The following ZNF18 variants were observed in gnomAD, a reference collection of about 807,000 sequenced individuals.
ZNF18 encodes heart development-specific gene 1 protein.
In ZNF18, 42 loss-of-function variants were observed where a neutral mutation model predicts 58.1. That is an observed-to-expected ratio of 0.72 (90% CI 0.56 to 0.93). ZNF18 has a LOEUF of 0.93. Among genes scored for constraint, ZNF18 ranks in the 40% least tolerant of loss-of-function variants. The probability of loss-of-function intolerance (pLI) is 0.00; values close to 1 mark genes in which losing one functional copy is unlikely to be tolerated. For synonymous variants in ZNF18, 231 were observed against 239.8 expected (o/e 0.96, Z 0.34); for missense variants, 540 against 644.2 (o/e 0.84, Z 1.75).
At chr17:12,007,860 C>A in the ZNF18 span, among the ~76,000 whole-genome samples, 1 of 152,050 alleles carries the variant, frequency 6.6e-6, no homozygotes, top group Non-Finnish European at 1.5e-5. Flanking sequence ...ATTGGTGACA[C>A]GTCTGTCACT....
At chr17:12,001,400 C>T (rs555227908), upstream of ZNF18, among the ~76,000 whole-genome samples, 21 of 152,160 alleles carry the variant, frequency 1.4e-4, no homozygotes, top group East Asian at 1.5e-3. Context: ...GAGGCTGAGG[C>T]GGGCGGATCA....
At chr17:11,985,462 TG>T (rs1352779800) in intron 4 of ZNF18, among the ~76,000 whole-genome samples, 1 of 152,218 alleles carries the variant, frequency 6.6e-6, no homozygotes, top group Non-Finnish European at 1.5e-5. Flanking sequence ...CTCAAAAAAG[TG>T]TTGTGAGGTT....
At chr17:12,012,192 T>C in the ZNF18 span, among the ~76,000 whole-genome samples, 1 of 152,188 alleles carries the variant, frequency 6.6e-6, no homozygotes, top group African/African-American at 2.4e-5. Flanking sequence ...AGTAACTAAA[T>C]ATTACATATA....
intron 6 of ZNF18, among the ~76,000 whole-genome samples, chr17:11,982,809 T>C (rs1967460647): frequency 6.6e-6 from 1 of 152,178 alleles, no homozygotes; most frequent in Non-Finnish European, 1.5e-5. Context: ...TCCCTAGTCT[T>C]AAATAAATTA....
At chr17:11,984,870 T>C (rs1215879664) in intron 4 of ZNF18, among the ~76,000 whole-genome samples, 1 of 152,112 alleles carries the variant, frequency 6.6e-6, no homozygotes, top group Non-Finnish European at 1.5e-5. Flanking sequence ...TAGACGTCTT[T>C]GAGGAGGAAG....
At chr17:12,013,960 A>C in the ZNF18 span, among the ~76,000 whole-genome samples, 2 of 152,240 alleles carry the variant, frequency 1.3e-5, no homozygotes. Flanking sequence ...AAAGTGACTG[A>C]CAGATGGTCA....
At chr17:12,014,029 A>G in the ZNF18 span, among the ~76,000 whole-genome samples, 3 of 152,234 alleles carry the variant, frequency 2.0e-5, no homozygotes, top group African/African-American at 7.2e-5. Flanking sequence ...TTTTTAGTTT[A>G]TAAGAAATAT....
chr17:12,001,690 T>A (rs1043350698), upstream of ZNF18, among the ~76,000 whole-genome samples: 2 of 151,976 alleles, frequency 1.3e-5, no homozygotes, highest in Non-Finnish European at 2.9e-5. Context: ...AAAGAGTAGA[T>A]CTTAAATGTT....
chr17:11,988,174 T>C lies in ZNF18; in HGVS notation c.666+2288A>G, dbSNP rs145377866. Among the ~76,000 whole-genome samples the C allele has an allele frequency of 8.4e-3, 1,283 of 152,358 alleles. 24 individuals are homozygous for C. Among genetic ancestry groups the C allele is most frequent in the African/African-American group, 0.029 (1,215 of 41,578 alleles). ...AGCAAAAATGAAGTATTAGGAATTGTTGAATTTACCTTCTGCCTGAAACAA... is the reference window on the plus strand; with the variant it reads ...AGCAAAAATGAAGTATTAGGAATTGCTGAATTTACCTTCTGCCTGAAACAA... On this transcript the variant is annotated intron_variant, in intron 4 of 6. Transcript: ENST00000580306.
At chr17:12,011,040 C>T in the ZNF18 span, 2 of 749,750 alleles carry the variant, frequency 2.7e-6, no homozygotes, top group South Asian at 1.4e-5. Context: ...GTAGACTCTT[C>T]CAGTTTAGCC....
At chr17:11,999,485 G>A (rs183006919), upstream of ZNF18, among the ~76,000 whole-genome samples, 3 of 152,148 alleles carry the variant, frequency 2.0e-5, no homozygotes, top group African/African-American at 2.4e-5. Context: ...CACTTATTTC[G>A]AAACAGGCTG....
chr17:12,016,905 T>C, the ZNF18 span, among the ~76,000 whole-genome samples: 1 of 152,064 alleles, frequency 6.6e-6, no homozygotes, highest in Non-Finnish European at 1.5e-5. Flanking sequence ...ATAGTCAAAA[T>C]AGTAATATTG....
chr17:11,978,737 T>C lies in ZNF18; in HGVS notation c.870A>G (p.Arg290=). The change falls in exon 7 of 7, where the codon AGA becomes AGG. Residue 290 remains arginine, a synonymous_variant. Coordinates refer to ENST00000580306, the MANE Select transcript of ZNF18 (RefSeq NM_001303281.2). ...KIPRPTCIGD[R]QENDKENLNL... ...TTAGGTTCTCCTTGTCATTCTCTTG[T>C]CTATCTCCTAAAAGAAGAAAGAAGA... 1 of 1,586,402 alleles carries C rather than the reference T, an allele frequency of 6.3e-7. No individual in the cohort carries two copies. The highest frequency in any genetic ancestry group is 1.1e-5 in the South Asian group (1 of 89,034).
intron 4 of ZNF18, among the ~76,000 whole-genome samples, chr17:11,987,492 T>G (rs1469025961): frequency 1.3e-5 from 2 of 152,202 alleles, no homozygotes; most frequent in Non-Finnish European, 2.9e-5. Flanking sequence ...ATATTCAGAT[T>G]GGGTAGGGAC....
rs1174512043 is a variant in ZNF18 at position 11,985,579 on chromosome 17, G to A, written c.667-1382C>T. On this transcript the variant is annotated intron_variant, in intron 4 of 6. Transcript: ENST00000580306. ...TATTTATGTGTATGTACAAATGTAT[G>A]TGCACACATGTAAGTATTTGATTAA... Among the ~76,000 whole-genome samples, 4 of 152,116 alleles carry A rather than the reference G, an allele frequency of 2.6e-5. No individual in the cohort carries two copies. In the East Asian group the frequency reaches 7.7e-4, roughly 29 times the overall value.
the ZNF18 span, among the ~76,000 whole-genome samples, chr17:12,007,496 G>A: frequency 6.6e-6 from 1 of 152,152 alleles, no homozygotes; most frequent in Non-Finnish European, 1.5e-5. Context: ...ACTTGATGCT[G>A]CCCGTGGCCT....
chr17:12,018,151 G>T, the ZNF18 span, among the ~76,000 whole-genome samples: 41 of 152,304 alleles, frequency 2.7e-4, 1 homozygote, highest in African/African-American at 8.4e-4. Flanking sequence ...TTTCCTCAAG[G>T]ATATCTTATA....
upstream of ZNF18, among the ~76,000 whole-genome samples, chr17:11,997,984 C>T (rs778722977): frequency 4.7e-4 from 72 of 152,278 alleles, no homozygotes; most frequent in South Asian, 1.0e-3. Context: ...TGGGTCCTCT[C>T]CCACTTCTCC....
At chr17:11,994,708 G>A (rs1294648288) in intron 1 of ZNF18, among the ~76,000 whole-genome samples, 1 of 152,150 alleles carries the variant, frequency 6.6e-6, no homozygotes, top group Admixed American at 6.5e-5. Flanking sequence ...AGGCGTGGTG[G>A]CGGGCGCCTG....
Sources: gnomAD v4.1 joint callset for allele counts (sites outside exome capture counted in the v4.1 genomes callset) on GRCh38, gnomAD v4.1.1 for gene constraint, MANE v1.5 for transcripts, NCBI Gene and HGNC (gene_info 2026-07-23, HGNC 2026-07-21) for gene names.